The following NAA40 variants were observed in gnomAD, a reference collection of about 807,000 sequenced individuals.
NAA40 encodes N-alpha-acetyltransferase 40, NatD catalytic subunit.
Under a neutral mutation model 36.6 loss-of-function variants are expected in NAA40, and 26 were observed. The ratio of observed to expected loss-of-function variants is 0.71; its 90% CI spans 0.52 to 0.98. NAA40 has a LOEUF of 0.98. Among genes scored for constraint, NAA40 ranks in the 50% least tolerant of loss-of-function variants. The pLI is 0.00. For missense variants in NAA40, 237 were observed against 306.5 expected (o/e 0.77, Z 1.69); for synonymous variants, 129 against 108.4 (o/e 1.19, Z -1.18).
chr11:63,954,127 C>A, intron 7 of NAA40, 78 bp downstream of exon 7: 1 of 1,479,882 alleles, frequency 6.8e-7, no homozygotes, highest in South Asian at 1.1e-5. Flanking sequence ...GGCCCTCACT[C>A]ATTCTGATGC....
chr11:63,945,692 G>A (rs1439743900), intron 1 of NAA40, 148 bp from the exon 2 acceptor site: 6 of 688,926 alleles, frequency 8.7e-6, no homozygotes, highest in Non-Finnish European at 1.5e-5. Context: ...GGGTCTTTCC[G>A]CCCCTCCAAA....
intron 3 of NAA40, among the ~76,000 whole-genome samples, chr11:63,950,327 C>T (rs1942259341): frequency 6.6e-6 from 1 of 152,154 alleles, no homozygotes; most frequent in African/African-American, 2.4e-5. Flanking sequence ...CCATGTTGGC[C>T]AGGCTGGTCC....
intron 6 of NAA40, 21 bp from the exon 7 acceptor site, chr11:63,953,951 G>A (rs772513524): frequency 3.8e-5 from 62 of 1,611,206 alleles, no homozygotes; most frequent in Admixed American, 3.2e-4. Flanking sequence ...TCTAAAAGGC[G>A]TTTGCTCTGC....
intron 6 of NAA40, 125 bp from the exon 7 acceptor site, chr11:63,953,847 C>A: frequency 1.3e-6 from 1 of 787,870 alleles, no homozygotes; most frequent in Non-Finnish European, 2.1e-6. Context: ...CCAGGCTGGT[C>A]TCTAACTCCT....
chr11:63,940,541 A>G (rs1324791241), intron 1 of NAA40, among the ~76,000 whole-genome samples: 1 of 152,006 alleles, frequency 6.6e-6, no homozygotes, highest in African/African-American at 2.4e-5. Context: ...AGTAGTGAAG[A>G]TTAAGTGAGA....
chr11:63,954,708 G>A lies in NAA40; in HGVS notation c.*229G>A. ...GAAAGGGAGAGGGAAGAGTAGGTGG[G>A]GCCGGGCAGTGAAGCTCATCCTCCA... On this transcript the variant is annotated 3_prime_UTR_variant, in exon 8 of 8. Transcript: ENST00000377793. 1 of 404,136 alleles carries A rather than the reference G, an allele frequency of 2.5e-6. No individual in the cohort carries two copies. The highest frequency in any genetic ancestry group is 4.1e-5 in the East Asian group (1 of 24,670). 25.0% of individuals were successfully genotyped at this position (404,136 alleles called of 1,614,324 possible). A position where few individuals can be genotyped will look rare whatever the true frequency, so the allele number is the denominator to read the frequency against.
At chr11:63,948,541 AC>A (rs1170247399) in intron 3 of NAA40, among the ~76,000 whole-genome samples, 1 of 151,440 alleles carries the variant, frequency 6.6e-6, no homozygotes, top group Non-Finnish European at 1.5e-5. Flanking sequence ...ACACGGTAAA[AC>A]CCCGTCTCTA....
intron 2 of NAA40, 149 bp from the exon 3 acceptor site, chr11:63,946,802 G>C: frequency 6.4e-7 from 1 of 1,555,640 alleles, no homozygotes; most frequent in Non-Finnish European, 8.7e-7. Flanking sequence ...TAGGCAAATG[G>C]TGGGTTTTGG....
At chr11:63,950,040 A>G (rs1027552617) in intron 3 of NAA40, among the ~76,000 whole-genome samples, 15 of 151,540 alleles carry the variant, frequency 9.9e-5, no homozygotes, top group Admixed American at 5.3e-4. Flanking sequence ...CACCGTGCCC[A>G]GCCAAACTTG....
Position 63,954,481 on chromosome 11 carries a change from C to A in NAA40, c.*2C>A. 6.3e-7 allele frequency: 1 copy of A among 1,589,950 alleles called. No individual in the cohort carries two copies. Among genetic ancestry groups the A allele is most frequent in the Admixed American group, 1.8e-5 (1 of 54,696 alleles). ...CACTGTGGTGGCTGCTGCCACTGAA[C>A]TCTCAGAGCCACTTTCAAGTCACAA... On this transcript the variant is annotated 3_prime_UTR_variant, in exon 8 of 8. Transcript: ENST00000377793.
rs142614113 is a variant in NAA40 at position 63,940,709 on chromosome 11, G to A, written c.6+1607G>A. 1.7e-4 allele frequency among the ~76,000 whole-genome samples: 26 copies of A among 149,640 alleles called. No homozygotes were observed. The South Asian group carries it at 2.5e-3, about 14-fold the overall frequency. On this transcript the variant is annotated intron_variant, in intron 1 of 7. Transcript: ENST00000377793. ...TGTTAACCTAGTTTTTTTTTTTCCC[G>A]TCACTCCACTATTTATCGACTGAAC...
At chr11:63,951,867 G>A (rs1942283761) in intron 3 of NAA40, among the ~76,000 whole-genome samples, 1 of 152,208 alleles carries the variant, frequency 6.6e-6, no homozygotes, top group African/African-American at 2.4e-5. Flanking sequence ...CTAAGGGCAG[G>A]AACTAAATAA....
chr11:63,952,428 C>T lies in NAA40; in HGVS notation c.273C>T (p.Gly91=), dbSNP rs370172081. The change falls in exon 5 of 8, where the codon GGC becomes GGT. Residue 91 remains glycine (G), a synonymous_variant. Coordinates refer to ENST00000377793, the MANE Select transcript of NAA40 (RefSeq NM_024771.4). ...CCAGGTATGAGCAGAGCGAGTGGGG[C>T]TGGAAGGACCGAGAGAAACGGGAGG... ...MQTMYEQSEW[G]WKDREKREEM... 3.1e-6 allele frequency: 5 copies of T among 1,614,224 alleles called. No homozygotes were observed. The highest frequency in any genetic ancestry group is 2.7e-5 in the African/African-American group (2 of 75,048).
At chr11:63,946,014 C>G in intron 2 of NAA40, 79 bp downstream of exon 2, 1 of 1,338,230 alleles carries the variant, frequency 7.5e-7, no homozygotes, top group Admixed American at 1.8e-5. Context: ...TGTCTCCACC[C>G]TGTGGCAGAA....
intron 7 of NAA40, 72 bp downstream of exon 7, chr11:63,954,121 C>G (rs1230893945): frequency 2.7e-6 from 4 of 1,505,382 alleles, no homozygotes; most frequent in Non-Finnish European, 3.7e-6. Context: ...GGTCCTGGCC[C>G]TCACTCATTC....
At chr11:63,943,279 C>G (rs1292357887) in intron 1 of NAA40, among the ~76,000 whole-genome samples, 1 of 152,164 alleles carries the variant, frequency 6.6e-6, no homozygotes, top group Admixed American at 6.5e-5. Context: ...CACCTTCCAT[C>G]CGACGCTTCT....
intron 2 of NAA40, 21 bp from the exon 3 acceptor site, chr11:63,946,930 C>T: frequency 6.2e-7 from 1 of 1,613,940 alleles, no homozygotes; most frequent in Non-Finnish European, 8.5e-7. Flanking sequence ...TGTGCTGTTC[C>T]TCTTTTCTTT....
In NAA40 at chr11:63,954,062, G is replaced by A. The variant is rs1942323924; in HGVS notation, c.572+13G>A. ...GAGAAGCGTTGCAGTAAGGAGCTGG[G>A]TGTGGGCCCTTCTGGGTGGTAGGTG... On this transcript the variant is annotated intron_variant, in intron 7 of 7. Transcript: ENST00000377793. 6.2e-7 allele frequency: 1 copy of A among 1,613,858 alleles called. No homozygotes were observed. Among genetic ancestry groups the A allele is most frequent in the Non-Finnish European group, 8.5e-7 (1 of 1,179,832 alleles).
rs1460565062 is a variant in NAA40 at position 63,955,767 on chromosome 11, A to T, written c.*1288A>T. 1 of 152,270 alleles carries T rather than the reference A, an allele frequency of 6.6e-6. No homozygotes were observed. Among genetic ancestry groups the T allele is most frequent in the Non-Finnish European group, 1.5e-5 (1 of 68,048 alleles). 9.4% of individuals were successfully genotyped at this position (152,270 alleles called of 1,614,324 possible). A position where few individuals can be genotyped will look rare whatever the true frequency, so the allele number is the denominator to read the frequency against. On this transcript the variant is annotated 3_prime_UTR_variant, in exon 8 of 8. Transcript: ENST00000377793. ...GGATAGAAAGGCAGGCTCAGAACTAATGCTCATCCTGATCTCTAGGCCTTG... is the reference window on the plus strand; with the variant it reads ...GGATAGAAAGGCAGGCTCAGAACTATTGCTCATCCTGATCTCTAGGCCTTG...
Sources: gnomAD v4.1 joint callset for allele counts (sites outside exome capture counted in the v4.1 genomes callset) on GRCh38, gnomAD v4.1.1 for gene constraint, MANE v1.5 for transcripts, NCBI Gene and HGNC (gene_info 2026-07-23, HGNC 2026-07-21) for gene names.